The following XPO7 variants were observed in gnomAD, a reference collection of about 807,000 sequenced individuals.
The protein encoded by XPO7 is exportin 7.
Under a neutral mutation model 144.3 loss-of-function variants are expected in XPO7, and 21 were observed. The ratio of observed to expected loss-of-function variants is 0.15; its 90% CI spans 0.10 to 0.21. The LOEUF (loss-of-function observed/expected upper bound fraction) is 0.21. Among genes scored for constraint, XPO7 ranks in the 10% least tolerant of loss-of-function variants. The pLI is 1.00. For synonymous variants in XPO7, 580 were observed against 499.6 expected (o/e 1.16, Z -2.15); for missense variants, 808 against 1,325.8 (o/e 0.61, Z 6.06).
intron 1 of XPO7, among the ~76,000 whole-genome samples, chr8:21,943,997 C>G (rs115169996): frequency 0.016 from 2,453 of 152,160 alleles, 72 homozygotes; most frequent in African/African-American, 0.057. Context: ...TTCAACAAAA[C>G]GTTTGATAAA....
At chr8:21,941,595 TG>T (rs1810996919) in intron 1 of XPO7, among the ~76,000 whole-genome samples, 1 of 152,218 alleles carries the variant, frequency 6.6e-6, no homozygotes, top group South Asian at 2.1e-4. Flanking sequence ...GACAAAATTT[TG>T]TTTTCCAAAT....
intron 1 of XPO7, among the ~76,000 whole-genome samples, chr8:21,966,590 G>A (rs75926908): frequency 0.033 from 4,957 of 151,710 alleles, 295 homozygotes; most frequent in African/African-American, 0.11. Context: ...ATTTGCAAGC[G>A]GAAAAATGTA....
At chr8:22,004,716 T>G (rs1813264979) in intron 27 of XPO7, among the ~76,000 whole-genome samples, 1 of 151,924 alleles carries the variant, frequency 6.6e-6, no homozygotes, top group Non-Finnish European at 1.5e-5. Context: ...ATGGCTTCAT[T>G]GGCTTACTGC....
At chr8:21,972,448 G>T (rs1428636233) in intron 5 of XPO7, among the ~76,000 whole-genome samples, 1 of 152,158 alleles carries the variant, frequency 6.6e-6, no homozygotes, top group African/African-American at 2.4e-5. Flanking sequence ...TTGCACTCCA[G>T]CTTGGGCAAC....
At chr8:21,939,875 T>C (rs1484471118) in intron 1 of XPO7, among the ~76,000 whole-genome samples, 3 of 152,230 alleles carry the variant, frequency 2.0e-5, no homozygotes, top group Non-Finnish European at 4.4e-5. Context: ...AGCAAACATT[T>C]AGTAGTCTTT....
Position 21,994,412 on chromosome 8 carries a change from T to C in XPO7, c.2198T>C (p.Phe733Ser), listed in dbSNP as rs746256678. 6.2e-7 allele frequency: 1 copy of C among 1,612,538 alleles called. No individual in the cohort carries two copies. Among genetic ancestry groups the C allele is most frequent in the Admixed American group, 1.7e-5 (1 of 59,982 alleles). The change falls in exon 20 of 28, where the codon TTC becomes TCC. Residue 733 changes from phenylalanine to serine, a missense_variant. By Grantham distance (155) the Phe-to-Ser change is radical. Coordinates refer to ENST00000252512, the MANE Select transcript of XPO7 (RefSeq NM_015024.5). Reference protein sequence around the residue: ...VRDLRGIAFAFNAKTSFMMLF... With the variant: ...VRDLRGIAFASNAKTSFMMLF... ...GACCTGAGAGGGATCGCTTTCGCTTTCAATGCCAAGACCAGCTTCATGATG... is the reference window on the plus strand; with the variant it reads ...GACCTGAGAGGGATCGCTTTCGCTTCCAATGCCAAGACCAGCTTCATGATG...
intron 1 of XPO7, among the ~76,000 whole-genome samples, 171 bp from the exon 2 acceptor site, chr8:21,966,686 A>C (rs544905212): frequency 6.6e-6 from 1 of 152,226 alleles, no homozygotes; most frequent in Non-Finnish European, 1.5e-5. Context: ...TATAGCATCA[A>C]ATAAAGAGAC....
At chr8:21,944,662 A>G (rs1368907068) in intron 1 of XPO7, among the ~76,000 whole-genome samples, 2 of 151,792 alleles carry the variant, frequency 1.3e-5, no homozygotes, top group African/African-American at 2.4e-5. Context: ...GGAGAGGGGG[A>G]TTTGGCAGGG....
intron 3 of XPO7, 118 bp from the exon 4 acceptor site, chr8:21,970,026 G>T: frequency 1.7e-6 from 2 of 1,190,328 alleles, no homozygotes; most frequent in East Asian, 2.4e-5. Context: ...GACAGTTTGG[G>T]TTAAATAGTC....
intron 9 of XPO7, among the ~76,000 whole-genome samples, chr8:21,981,391 G>A (rs1291964916): frequency 2.6e-5 from 4 of 152,150 alleles, no homozygotes; most frequent in Non-Finnish European, 5.9e-5. Context: ...AGTCAGTCAC[G>A]TCTTAGGTCG....
chr8:21,943,518 T>G (rs1175241948), intron 1 of XPO7, among the ~76,000 whole-genome samples: 1 of 152,206 alleles, frequency 6.6e-6, no homozygotes, highest in African/African-American at 2.4e-5. Context: ...TTTGAAGAAA[T>G]TTAGATTTAA....
chr8:21,987,110 G>C (rs1163495150), intron 13 of XPO7, 31 bp from the exon 14 acceptor site: 1 of 1,612,890 alleles, frequency 6.2e-7, no homozygotes, highest in African/African-American at 1.3e-5. Context: ...ATGTCCTGCT[G>C]TTGAGAGAAT....
At chr8:21,934,553 T>C (rs1195946443) in intron 1 of XPO7, among the ~76,000 whole-genome samples, 2 of 152,020 alleles carry the variant, frequency 1.3e-5, no homozygotes, top group East Asian at 3.9e-4. Context: ...AAAGAAATAT[T>C]TTAAGATAGA....
At chr8:21,969,032 T>G (rs1811970029) in intron 2 of XPO7, among the ~76,000 whole-genome samples, 1 of 152,220 alleles carries the variant, frequency 6.6e-6, no homozygotes, top group African/African-American at 2.4e-5. Flanking sequence ...CAGCATAGTG[T>G]GATGGTTTCC....
rs889691954 is a variant in XPO7 at position 21,927,210 on chromosome 8, G to C, written c.18+7422G>C. ...AAGTCCAGCCTGGGTAACATAGCAAGACCCCAAGTCTTTTAAAAAAAATTA... is the reference window on the plus strand; with the variant it reads ...AAGTCCAGCCTGGGTAACATAGCAACACCCCAAGTCTTTTAAAAAAAATTA... On this transcript the variant is annotated intron_variant, in intron 1 of 27. Transcript: ENST00000252512. Among the ~76,000 whole-genome samples, 11 of 145,136 alleles carry C rather than the reference G, an allele frequency of 7.6e-5. No individual in the cohort carries two copies. The South Asian group carries it at 2.3e-3, about 31-fold the overall frequency.
chr8:22,003,125 T>C, intron 25 of XPO7, 94 bp from the exon 26 acceptor site: 5 of 884,864 alleles, frequency 5.7e-6, no homozygotes, highest in Non-Finnish European at 8.5e-6. Flanking sequence ...GAAAAGGCCT[T>C]CAGCCTAATA....
chr8:21,993,014 C>T (rs1812820348), intron 19 of XPO7, among the ~76,000 whole-genome samples: 1 of 152,138 alleles, frequency 6.6e-6, no homozygotes, highest in Admixed American at 6.5e-5. Flanking sequence ...TTTCTTTTTC[C>T]ATCTACAAAT....
intron 1 of XPO7, among the ~76,000 whole-genome samples, chr8:21,955,760 C>T (rs1372497110): frequency 3.2e-5 from 4 of 123,450 alleles, no homozygotes; most frequent in Middle Eastern, 6.6e-3. Context: ...GATGGAGTCT[C>T]GCTCTGTCTC....
intron 1 of XPO7, among the ~76,000 whole-genome samples, chr8:21,960,723 C>T (rs1168360081): frequency 2.6e-5 from 4 of 152,198 alleles, no homozygotes; most frequent in Admixed American, 2.6e-4. Context: ...CATCTGCAAC[C>T]AAAAGTGTTA....
Sources: gnomAD v4.1 joint callset for allele counts (sites outside exome capture counted in the v4.1 genomes callset) on GRCh38, gnomAD v4.1.1 for gene constraint, MANE v1.5 for transcripts, NCBI Gene and HGNC (gene_info 2026-07-23, HGNC 2026-07-21) for gene names.